Variants in GRIK4 observed in about 807,000 individuals in gnomAD.
The protein encoded by GRIK4 is glutamate receptor ionotropic, kainate 4.
Under a neutral mutation model 104.9 loss-of-function variants are expected in GRIK4, and 40 were observed. The ratio of observed to expected loss-of-function variants is 0.38; its 90% CI spans 0.30 to 0.50. The LOEUF (loss-of-function observed/expected upper bound fraction) is 0.50. GRIK4 is among the 20% of genes least tolerant of loss of function. The probability of loss-of-function intolerance (pLI) is 0.93; values close to 1 mark genes in which losing one functional copy is unlikely to be tolerated. For synonymous variants in GRIK4, 485 were observed against 524.9 expected (o/e 0.92, Z 1.04); for missense variants, 1,047 against 1,308.1 (o/e 0.80, Z 3.08).
intron 1 of GRIK4, among the ~76,000 whole-genome samples, chr11:120,572,725 A>G (rs1294953064): frequency 1.3e-5 from 2 of 152,218 alleles, no homozygotes; most frequent in Non-Finnish European, 2.9e-5. Context: ...TGCTTTAGCC[A>G]TAAGCTTCAA....
intron 1 of GRIK4, among the ~76,000 whole-genome samples, chr11:120,541,941 G>A (rs942878560): frequency 4.7e-5 from 7 of 147,570 alleles, no homozygotes; most frequent in African/African-American, 1.8e-4. Context: ...AAAGGCATTT[G>A]TTTTTACAGA....
chr11:120,865,617 G>A (rs758043216), intron 9 of GRIK4, among the ~76,000 whole-genome samples: 1 of 152,182 alleles, frequency 6.6e-6, no homozygotes, highest in East Asian at 1.9e-4. Flanking sequence ...TAGGCTCCCA[G>A]AAAGGCACAC....
chr11:120,742,529 T>TTTA (rs1951354181), intron 3 of GRIK4, among the ~76,000 whole-genome samples: 1 of 147,398 alleles, frequency 6.8e-6, no homozygotes, highest in African/African-American at 2.5e-5. Flanking sequence ...TATTATTATT[T>TTTA]TTTTTTGAGA....
At chr11:120,841,250 C>T (rs1274041078) in intron 8 of GRIK4, among the ~76,000 whole-genome samples, 3 of 152,150 alleles carry the variant, frequency 2.0e-5, no homozygotes, top group Non-Finnish European at 4.4e-5. Flanking sequence ...ACTCTGTACC[C>T]ATTAGACGCA....
intron 14 of GRIK4, among the ~76,000 whole-genome samples, chr11:120,943,059 A>T (rs967498882): frequency 2.0e-5 from 3 of 151,070 alleles, no homozygotes; most frequent in African/African-American, 4.9e-5. Flanking sequence ...CCAATTTCTT[A>T]CAATAACTTT....
In GRIK4 at chr11:120,669,115, C is replaced by T. The variant is rs1278555024; in HGVS notation, c.82+8715C>T. Among the ~76,000 whole-genome samples the T allele has an allele frequency of 2.6e-5, 4 of 152,130 alleles. No individual in the cohort carries two copies. The East Asian group carries it at 7.7e-4, about 29-fold the overall frequency. On this transcript the variant is annotated intron_variant, in intron 3 of 20. Coordinates refer to ENST00000527524, the MANE Select transcript of GRIK4 (RefSeq NM_014619.5). ...CACCTTGTTCTGGGAGATGAGAATC[C>T]CCACCTTGTCTAGGGAACTTTCCCT...
intron 12 of GRIK4, among the ~76,000 whole-genome samples, chr11:120,899,033 C>G (rs1196456787): frequency 6.6e-6 from 1 of 152,182 alleles, no homozygotes. Flanking sequence ...GGACCCTCCC[C>G]CACCACATCC....
rs558031625 is a variant in GRIK4 at position 120,952,396 on chromosome 11, G to A, written c.1591-459G>A. ...AGGTCTCACTGTGTGAGATCACCCT[G>A]CAAACAAAACCCAGAGACTCCGGTT... is the stretch of plus-strand genomic sequence containing the variant. On this transcript the variant is annotated intron_variant, in intron 14 of 20. Coordinates refer to ENST00000527524, the MANE Select transcript of GRIK4 (RefSeq NM_014619.5). The surrounding 1 kb of genome is among the most constrained non-coding windows in gnomAD (Gnocchi z 5.2). 6.6e-5 allele frequency among the ~76,000 whole-genome samples: 10 copies of A among 152,148 alleles called. No homozygotes were observed. The highest frequency in any genetic ancestry group is 2.2e-4 in the African/African-American group (9 of 41,418).
chr11:120,699,998 T>A (rs1245043931), intron 3 of GRIK4, among the ~76,000 whole-genome samples: 1 of 152,236 alleles, frequency 6.6e-6, no homozygotes, highest in Non-Finnish European at 1.5e-5. Context: ...ATGATTGGAC[T>A]TCAAATTTTT....
rs529145826 is a variant in GRIK4 at position 120,770,683 on chromosome 11, G to A, written c.83-32010G>A. On this transcript the variant is annotated intron_variant, in intron 3 of 20. Transcript: ENST00000527524. ...TGGTCTCAATGTTTGTGTCTGCCCC[G>A]CCCCTGCCAAACTCATGTATACTTA... Among the ~76,000 whole-genome samples the A allele has an allele frequency of 5.9e-5, 9 of 152,258 alleles. No individual in the cohort carries two copies. The East Asian group carries it at 1.2e-3, about 20-fold the overall frequency.
At chr11:120,871,485 G>A (rs781293485) in intron 9 of GRIK4, 1 of 401,604 alleles carries the variant, frequency 2.5e-6, no homozygotes, top group Non-Finnish European at 5.1e-6. Context: ...TCGGGAGTGT[G>A]GTGGCTCAGC....
intron 1 of GRIK4, among the ~76,000 whole-genome samples, chr11:120,541,956 GA>G (rs35965239): frequency 1.2e-4 from 18 of 150,204 alleles, no homozygotes; most frequent in Non-Finnish European, 2.7e-4. Flanking sequence ...TACAGAAAGA[GA>G]AAAAAAAACC....
chr11:120,609,698 C>T (rs917610401), intron 1 of GRIK4, among the ~76,000 whole-genome samples: 2 of 151,552 alleles, frequency 1.3e-5, no homozygotes, highest in African/African-American at 2.4e-5. Flanking sequence ...ATTTTTAGTA[C>T]AGATGCGGTT....
intron 1 of GRIK4, among the ~76,000 whole-genome samples, chr11:120,610,549 C>T (rs560728572): frequency 1.1e-3 from 160 of 152,202 alleles, no homozygotes; most frequent in African/African-American, 3.8e-3. Context: ...CCCAGGCAGC[C>T]GGAGTGGAGG....
chr11:120,550,658 G>A (rs924641721), intron 1 of GRIK4, among the ~76,000 whole-genome samples: 6 of 152,098 alleles, frequency 3.9e-5, no homozygotes, highest in Admixed American at 1.3e-4. Context: ...AAGCCAGGGT[G>A]GATGTGGCGC....
chr11:120,843,831 C>T (rs1189038540), intron 8 of GRIK4, among the ~76,000 whole-genome samples: 1 of 152,090 alleles, frequency 6.6e-6, no homozygotes, highest in Non-Finnish European at 1.5e-5. Flanking sequence ...TGGGGATGTT[C>T]CCTGGAGTGA....
chr11:120,660,755 C>T (rs765218071), intron 3 of GRIK4, among the ~76,000 whole-genome samples: 3 of 152,148 alleles, frequency 2.0e-5, no homozygotes, highest in Non-Finnish European at 4.4e-5. Flanking sequence ...AGAAGAGGTC[C>T]CTTCTTTCCT....
intron 13 of GRIK4, chr11:120,936,575 C>A (rs1023039645): frequency 6.0e-6 from 1 of 165,298 alleles, no homozygotes; most frequent in Non-Finnish European, 1.3e-5. Flanking sequence ...GCTGCTTCTC[C>A]TGCTCCTCCC....
chr11:120,974,285 G>A (rs1484866587), intron 19 of GRIK4, among the ~76,000 whole-genome samples: 1 of 152,208 alleles, frequency 6.6e-6, no homozygotes. Flanking sequence ...ACAGAGGGCA[G>A]TAGTTTTCAC....
Sources: allele counts gnomAD v4.1 joint callset (sites outside exome capture counted in the v4.1 genomes callset), GRCh38; gene constraint gnomAD v4.1.1; non-coding constraint Gnocchi (gnomAD v3.1); transcripts MANE v1.5; gene names NCBI Gene and HGNC (gene_info 2026-07-23, HGNC 2026-07-21).